Variants in PSTPIP2 observed in about 807,000 individuals in gnomAD.
The protein encoded by PSTPIP2 is proline-serine-threonine phosphatase-interacting protein 2.
PSTPIP2 carries 33 observed loss-of-function variants against 63.3 expected under a neutral mutation model. The ratio of observed to expected loss-of-function variants is 0.52; its 90% CI spans 0.40 to 0.70. The LOEUF is 0.70. PSTPIP2 is among the 30% of genes least tolerant of loss of function. The pLI is 0.00. For missense variants in PSTPIP2, 312 were observed against 400.7 expected, an observed-to-expected ratio of 0.78 and a Z score of 1.89; for synonymous variants, 125 against 132.7, an observed-to-expected ratio of 0.94 and a Z score of 0.40.
intron 3 of PSTPIP2, among the ~76,000 whole-genome samples, chr18:46,020,469 A>G (rs1040832414): frequency 6.6e-6 from 1 of 152,136 alleles, no homozygotes; most frequent in East Asian, 1.9e-4. Context: ...CCTGGCCAAC[A>G]TGGTGAAACC....
At chr18:46,016,206 A>T (rs545848405) in intron 3 of PSTPIP2, 2 of 419,190 alleles carry the variant, frequency 4.8e-6, no homozygotes, top group African/African-American at 4.0e-5. Context: ...ATAGGATAGG[A>T]GTTATGATCC....
intron 1 of PSTPIP2, among the ~76,000 whole-genome samples, chr18:46,052,705 C>T (rs1296051002): frequency 6.6e-6 from 1 of 152,204 alleles, no homozygotes; most frequent in African/African-American, 2.4e-5. Flanking sequence ...CTGTTCTTCA[C>T]ACTTGGATTT....
intron 2 of PSTPIP2, among the ~76,000 whole-genome samples, chr18:46,030,138 A>AAAAG (rs1568222960): frequency 1.3e-5 from 2 of 151,858 alleles, no homozygotes; most frequent in Non-Finnish European, 2.9e-5. Context: ...AAAGAAAAGA[A>AAAAG]AAAGAAAGAA....
chr18:46,029,812 G>T, intron 2 of PSTPIP2: 1 of 472,666 alleles, frequency 2.1e-6, no homozygotes, highest in South Asian at 2.0e-5. Context: ...CTTTGCCTTG[G>T]GGAATGAAAA....
At chr18:46,041,239 A>G (rs1908181784) in intron 1 of PSTPIP2, among the ~76,000 whole-genome samples, 1 of 151,834 alleles carries the variant, frequency 6.6e-6, no homozygotes, top group African/African-American at 2.4e-5. Flanking sequence ...ATATATATAT[A>G]TGTTATGTTT....
intron 1 of PSTPIP2, among the ~76,000 whole-genome samples, chr18:46,058,297 A>C (rs1908846286): frequency 6.6e-6 from 1 of 152,116 alleles, no homozygotes; most frequent in South Asian, 2.1e-4. Context: ...TTTTTACTCC[A>C]TATACATCTG....
intron 1 of PSTPIP2, among the ~76,000 whole-genome samples, chr18:46,055,680 A>C (rs1908732152): frequency 6.6e-6 from 1 of 152,018 alleles, no homozygotes; most frequent in Non-Finnish European, 1.5e-5. Context: ...CTCCAAAATA[A>C]CTCTAACAGC....
At chr18:46,046,169 A>G (rs1908377647) in intron 1 of PSTPIP2, among the ~76,000 whole-genome samples, 2 of 152,190 alleles carry the variant, frequency 1.3e-5, no homozygotes, top group Admixed American at 1.3e-4. Flanking sequence ...GGTGGGGGGA[A>G]AAGCCTCTAC....
At chr18:46,053,038 A>C (rs1908636825) in intron 1 of PSTPIP2, among the ~76,000 whole-genome samples, 1 of 152,228 alleles carries the variant, frequency 6.6e-6, no homozygotes, top group African/African-American at 2.4e-5. Context: ...ACAAAAAAGT[A>C]ATCTCCAAGT....
chr18:45,997,962 G>T, intron 8 of PSTPIP2, 134 bp from the exon 9 acceptor site: 1 of 712,268 alleles, frequency 1.4e-6, no homozygotes, highest in South Asian at 1.5e-5. Flanking sequence ...CCAGGACTCT[G>T]AGCACTGGGA....
intron 2 of PSTPIP2, among the ~76,000 whole-genome samples, chr18:46,037,099 G>C (rs530868645): frequency 1.3e-5 from 2 of 152,242 alleles, no homozygotes; most frequent in Admixed American, 1.3e-4. Context: ...TTTGCCTCTT[G>C]TCTCTAAGAA....
intron 1 of PSTPIP2, among the ~76,000 whole-genome samples, chr18:46,046,291 C>G (rs1908381475): frequency 6.6e-6 from 1 of 152,198 alleles, no homozygotes; most frequent in African/African-American, 2.4e-5. Context: ...AAGCAAACAG[C>G]ACCCGCAGTC....
Position 46,044,723 on chromosome 18 carries a change from C to A in PSTPIP2, c.34-4676G>T, listed in dbSNP as rs1048088439. Among the ~76,000 whole-genome samples, 94 of 152,174 alleles carry A rather than the reference C, an allele frequency of 6.2e-4. 1 individual carries two copies. The highest frequency in any genetic ancestry group is 3.4e-3 in the Middle Eastern group (1 of 294). ...AACTACCATCAGAGTGAACAGGCAA[C>A]CTACAAAATGGGAGAAAATTTTCGC... On this transcript the variant is annotated intron_variant, in intron 1 of 14. Transcript: ENST00000409746.
intron 1 of PSTPIP2, chr18:46,041,083 G>A (rs773607880): frequency 4.4e-6 from 2 of 456,656 alleles, no homozygotes; most frequent in Non-Finnish European, 8.8e-6. Context: ...CGCTATTGAG[G>A]GTCAAGGGTA....
intron 2 of PSTPIP2, among the ~76,000 whole-genome samples, chr18:46,027,357 ATT>A (rs879926511): frequency 2.0e-5 from 3 of 149,764 alleles, no homozygotes; most frequent in Admixed American, 6.7e-5. Flanking sequence ...TATTAAAAAA[ATT>A]TTTTTTAAAG....
At chr18:46,029,244 G>C in intron 2 of PSTPIP2, 2 of 1,222,120 alleles carry the variant, frequency 1.6e-6, no homozygotes, top group African/African-American at 1.4e-5. Flanking sequence ...GAGGAGCTTT[G>C]AAGATGTCTC....
chr18:46,064,416 G>C (rs1394415833), intron 1 of PSTPIP2, among the ~76,000 whole-genome samples: 1 of 143,234 alleles, frequency 7.0e-6, no homozygotes, highest in African/African-American at 2.6e-5. Flanking sequence ...ACAGCCTCCC[G>C]AGTAGCTGGG....
At chr18:45,994,671 G>A (rs1238806950) in intron 9 of PSTPIP2, among the ~76,000 whole-genome samples, 2 of 152,118 alleles carry the variant, frequency 1.3e-5, no homozygotes, top group East Asian at 3.8e-4. Flanking sequence ...CAGATAGTAT[G>A]ATGAATCCCT....
chr18:46,000,370 A>G (rs148476092), intron 6 of PSTPIP2, among the ~76,000 whole-genome samples: 1 of 152,030 alleles, frequency 6.6e-6, no homozygotes, highest in East Asian at 1.9e-4. Flanking sequence ...CATGTTCCTT[A>G]TTTATTTATT....
Sources: gnomAD v4.1 joint callset for allele counts (sites outside exome capture counted in the v4.1 genomes callset) on GRCh38, gnomAD v4.1.1 for gene constraint, MANE v1.5 for transcripts, NCBI Gene and HGNC (gene_info 2026-07-23, HGNC 2026-07-21) for gene names.